CELF5: variants seen among roughly 807,000 people sequenced by gnomAD.
The protein encoded by CELF5 is CUG-BP and ETR-3 like factor 5.
A neutral mutation model predicts 54.9 loss-of-function variants in CELF5; 6 were observed. The ratio of observed to expected loss-of-function variants is 0.11; its 90% CI spans 0.06 to 0.22. CELF5 has a LOEUF of 0.22. CELF5 is among the 10% of genes least tolerant of loss of function. The pLI, the probability that CELF5 is intolerant of heterozygous loss-of-function variation, is 1.00. For synonymous variants in CELF5, 271 were observed against 290.9 expected (o/e 0.93, Z 0.70); for missense variants, 401 against 678.6 (o/e 0.59, Z 4.54).
At chr19:3,274,188 T>C (rs2080011464) in intron 3 of CELF5, among the ~76,000 whole-genome samples, 1 of 152,084 alleles carries the variant, frequency 6.6e-6, no homozygotes, top group Non-Finnish European at 1.5e-5. Context: ...TCCAGCTGCC[T>C]TCTCCTGAGT....
At chr19:3,284,837 G>A (rs1455235663) in intron 8 of CELF5, 65 bp from the exon 9 acceptor site, 17 of 1,409,398 alleles carry the variant, frequency 1.2e-5, no homozygotes, top group Admixed American at 1.7e-5. Flanking sequence ...CGGCTCTTAA[G>A]GATCGGGGGT....
At chr19:3,252,524 T>C (rs368258363) in intron 2 of CELF5, among the ~76,000 whole-genome samples, 33 of 152,302 alleles carry the variant, frequency 2.2e-4, no homozygotes, top group African/African-American at 7.7e-4. Context: ...GAGCTCACCC[T>C]TCCCTCCGGA....
At chr19:3,277,146 G>A (rs2080069352) in intron 4 of CELF5, among the ~76,000 whole-genome samples, 1 of 152,172 alleles carries the variant, frequency 6.6e-6, no homozygotes, top group Non-Finnish European at 1.5e-5. Flanking sequence ...AACTGAATGT[G>A]TCTGACGGTT....
intron 11 of CELF5, among the ~76,000 whole-genome samples, chr19:3,291,934 T>C (rs1267816686): frequency 3.0e-5 from 1 of 33,408 alleles, no homozygotes; most frequent in Non-Finnish European, 1.2e-4. Context: ...ACCAGACTCT[T>C]TTTTTTTGTT....
chr19:3,279,435 A>G (rs936048015), intron 5 of CELF5, among the ~76,000 whole-genome samples: 2 of 152,136 alleles, frequency 1.3e-5, no homozygotes, highest in Non-Finnish European at 2.9e-5. Flanking sequence ...CTTAAAACCC[A>G]GGGGAGGGGC....
rs1342179642 is a variant in CELF5 at position 3,268,656 on chromosome 19, C to G, written c.343-5216C>G. ...CATTTGTGGACCCTGGGCTAAGGGT[C>G]TTGGTGGGGAACGGAGGGTCACAAA... On this transcript the variant is annotated intron_variant, in intron 2 of 12. Coordinates refer to ENST00000292672, the MANE Select transcript of CELF5 (RefSeq NM_021938.4). This position sits in a 1 kb window ranked among gnomAD's most constrained non-coding sequence, Gnocchi z 4.4. Among the ~76,000 whole-genome samples the G allele has an allele frequency of 1.3e-5, 2 of 152,106 alleles. No homozygotes were observed. The highest frequency in any genetic ancestry group is 4.8e-5 in the African/African-American group (2 of 41,426).
chr19:3,245,280 T>C (rs1404293079), intron 1 of CELF5, among the ~76,000 whole-genome samples: 1 of 148,024 alleles, frequency 6.8e-6, no homozygotes, highest in South Asian at 2.2e-4. Flanking sequence ...TCTCTGTGTG[T>C]GTGCGTGTGT....
At chr19:3,271,094 A>G (rs1238716193) in intron 2 of CELF5, among the ~76,000 whole-genome samples, 3 of 150,674 alleles carry the variant, frequency 2.0e-5, no homozygotes, top group South Asian at 2.1e-4. Context: ...AACAATTGCC[A>G]GCTTCCGTGT....
At chr19:3,286,195 T>C in intron 10 of CELF5, 170 bp downstream of exon 10, 1 of 531,964 alleles carries the variant, frequency 1.9e-6, no homozygotes, top group South Asian at 2.7e-5. Context: ...CCCCTGGGAA[T>C]CTCCCTCTCT....
At chr19:3,237,205 G>C (rs1465223190) in intron 1 of CELF5, among the ~76,000 whole-genome samples, 2 of 149,362 alleles carry the variant, frequency 1.3e-5, no homozygotes, top group Non-Finnish European at 3.0e-5. Context: ...CCAGCTACTC[G>C]GGAGGCTGAG....
At chr19:3,285,003 C>CCGCCCCCGCCCAGGGCCA in intron 9 of CELF5, 39 bp downstream of exon 9, 1 of 1,519,272 alleles carries the variant, frequency 6.6e-7, no homozygotes, top group Non-Finnish European at 9.0e-7. Flanking sequence ...GGCCCTGGCC[C>CCGCCCCCGCCCAGGGCCA]CGCCCCCGCC....
At position 3,284,914 on chromosome 19, in the gene CELF5, C is replaced by A. The variant is rs143723929; in HGVS notation, c.1052C>A (p.Thr351Asn). ...GLVPYPAQSP[T>N]VAETLHPAFS... ...TGTCTGCCCGCAGCTCAGAGCCCGA[C>A]TGTGGCCGAGACACTGCATCCTGCC... The change falls in exon 9 of 13, where the codon ACT becomes AAT. Residue 351 changes from threonine (T) to asparagine (N), a missense_variant. Thr to Asn is a moderately conservative substitution (Grantham distance 65). This residue lies in a region of CELF5 where 143 missense variants were observed against 147.6 expected (regional missense o/e 0.97). Transcript: ENST00000292672. The A allele has an allele frequency of 2.5e-6, 4 of 1,613,018 alleles. No homozygotes were observed. Among genetic ancestry groups the A allele is most frequent in the Non-Finnish European group, 2.5e-6 (3 of 1,179,680 alleles).
Position 3,275,963 on chromosome 19 carries a change from G to A in CELF5, c.502G>A (p.Gly168Arg). ...GVIDECTVLR[G>R]PDGSSKGCAF... ...CATTGACGAGTGCACCGTGCTCCGGGGGCCTGACGGCAGCAGCAAAGGTGA... is the reference window on the plus strand; with the variant it reads ...CATTGACGAGTGCACCGTGCTCCGGAGGCCTGACGGCAGCAGCAAAGGTGA... The change falls in exon 4 of 13, where the codon GGG (glycine) becomes AGG (arginine). Residue 168 changes from glycine to arginine, a missense_variant. Physicochemically the swap from Gly to Arg is moderately radical, Grantham distance 125 (BLOSUM62 -2). This residue lies in a region of CELF5 where 87 missense variants were observed against 190.2 expected (regional missense o/e 0.46). Coordinates refer to ENST00000292672, the MANE Select transcript of CELF5 (RefSeq NM_021938.4). This position sits in a 1 kb window ranked among gnomAD's most constrained non-coding sequence, Gnocchi z 6.7. 1.2e-6 allele frequency: 2 copies of A among 1,610,544 alleles called. No homozygotes were observed. Among genetic ancestry groups the A allele is most frequent in the Non-Finnish European group, 8.5e-7 (1 of 1,179,008 alleles).
chr19:3,271,913 T>A (rs1485744313), intron 2 of CELF5, among the ~76,000 whole-genome samples: 3 of 152,084 alleles, frequency 2.0e-5, no homozygotes, highest in Non-Finnish European at 4.4e-5. Context: ...GGTGGACAGA[T>A]CACTGAATCT....
chr19:3,273,989 C>T lies in CELF5; in HGVS notation c.394+66C>T, dbSNP rs1438209477. On this transcript the variant is annotated intron_variant, in intron 3 of 12. Transcript: ENST00000292672. ...AGGAATGGGAGAAGAAGGAAAATCT[C>T]TTCCTTCCTCTCTCCTGCAAAAGGG... 5 of 1,486,152 alleles carry T rather than the reference C, an allele frequency of 3.4e-6. No individual in the cohort carries two copies. In the African/African-American group the frequency reaches 6.9e-5, roughly 21 times the overall value. 92.1% of individuals were successfully genotyped at this position (1,486,152 alleles called of 1,614,324 possible).
chr19:3,265,263 A>G (rs1171935894), intron 2 of CELF5, among the ~76,000 whole-genome samples: 1 of 152,166 alleles, frequency 6.6e-6, no homozygotes, highest in Non-Finnish European at 1.5e-5. Context: ...ATTTGAGCCC[A>G]GGAGATTGAG....
intron 11 of CELF5, among the ~76,000 whole-genome samples, chr19:3,292,244 G>A (rs2080363169): frequency 6.6e-6 from 1 of 151,454 alleles, no homozygotes; most frequent in African/African-American, 2.4e-5. Flanking sequence ...ACCACACCCG[G>A]CCAAAGACCA....
At chr19:3,273,850 T>C in intron 2 of CELF5, 22 bp from the exon 3 acceptor site, 1 of 1,611,258 alleles carries the variant, frequency 6.2e-7, no homozygotes, top group South Asian at 1.1e-5. Context: ...GCTTGACTTT[T>C]CCCTTCCCCC....
At chr19:3,284,697 T>TAAAAA in intron 8 of CELF5, 1 of 586,384 alleles carries the variant, frequency 1.7e-6, no homozygotes, top group South Asian at 2.0e-5. Flanking sequence ...GGATTCCAGT[T>TAAAAA]CAGCTTCTGC....
Sources: allele counts gnomAD v4.1 joint callset (sites outside exome capture counted in the v4.1 genomes callset), GRCh38; gene constraint gnomAD v4.1.1; regional missense constraint gnomAD v4.1.1; non-coding constraint Gnocchi (gnomAD v3.1); transcripts MANE v1.5; gene names NCBI Gene and HGNC (gene_info 2026-07-23, HGNC 2026-07-21).